KLF12: variants seen among roughly 807,000 people sequenced by gnomAD.
KLF12 encodes the protein KLF transcription factor 12.
KLF12 carries 9 observed loss-of-function variants against 37.8 expected under a neutral mutation model. That is an observed-to-expected ratio of 0.24 (90% CI 0.14 to 0.42). KLF12 has a LOEUF of 0.42. Among genes scored for constraint, KLF12 ranks in the 10% least tolerant of loss-of-function variants. The pLI is 1.00. For missense variants in KLF12, 411 were observed against 516.0 expected, an observed-to-expected ratio of 0.80 and a Z score of 1.97; for synonymous variants, 208 against 202.1, an observed-to-expected ratio of 1.03 and a Z score of -0.25.
Position 73,846,263 on chromosome 13 carries a change from TTG to T in KLF12, c.232_233del (p.Gln78AsnfsTer2). On this transcript the variant is annotated frameshift_variant, in exon 4 of 8. Transcript: ENST00000377669. LOFTEE classifies it high-confidence loss of function. Reference sequence around the variant, plus strand: ...TTATTGACAAGTCCACTGGCTCAGTTTGTGTTTGGAAGTGATCTACAGATAAC... The same window carrying T: ...TTATTGACAAGTCCACTGGCTCAGTTTGTTTGGAAGTGATCTACAGATAAC... 1 of 1,614,070 alleles carries T rather than the reference TTG, an allele frequency of 6.2e-7. No individual in the cohort carries two copies. Among genetic ancestry groups the T allele is most frequent in the Non-Finnish European group, 8.5e-7 (1 of 1,180,014 alleles).
At chr13:73,979,354 A>AACATAC (rs1891628648) in intron 2 of KLF12, among the ~76,000 whole-genome samples, 1 of 139,620 alleles carries the variant, frequency 7.2e-6, no homozygotes, top group Non-Finnish European at 1.5e-5. Flanking sequence ...TCTGCTTTTA[A>AACATAC]ACACACACAC....
chr13:73,776,991 AAAC>A (rs1318114787), intron 5 of KLF12, among the ~76,000 whole-genome samples: 1 of 152,212 alleles, frequency 6.6e-6, no homozygotes, highest in Non-Finnish European at 1.5e-5. Context: ...CAGAAAGGTT[AAAC>A]AACAACAACA....
At chr13:73,737,615 T>G (rs927741808) in intron 6 of KLF12, among the ~76,000 whole-genome samples, 5 of 152,192 alleles carry the variant, frequency 3.3e-5, no homozygotes, top group Non-Finnish European at 1.5e-5. Flanking sequence ...AAGTTCATAC[T>G]AATTAGAATT....
At chr13:74,230,487 A>C in the KLF12 span, among the ~76,000 whole-genome samples, 1 of 152,194 alleles carries the variant, frequency 6.6e-6, no homozygotes, top group African/African-American at 2.4e-5. Context: ...AATTGTGCTC[A>C]TCCACACTCT....
At chr13:73,855,806 C>A (rs547005644) in intron 3 of KLF12, among the ~76,000 whole-genome samples, 1 of 148,826 alleles carries the variant, frequency 6.7e-6, no homozygotes, top group South Asian at 2.2e-4. Context: ...GACATGGCAT[C>A]TCATTGTGAT....
At position 73,739,390 on chromosome 13, in the gene KLF12, T is replaced by C. The variant is rs376246824; in HGVS notation, c.870-23865A>G. Among the ~76,000 whole-genome samples, 23 of 152,278 alleles carry C rather than the reference T, an allele frequency of 1.5e-4. No homozygotes were observed. The East Asian group carries it at 3.5e-3, about 23-fold the overall frequency. On this transcript the variant is annotated intron_variant, in intron 6 of 7. Coordinates refer to ENST00000377669, the MANE Select transcript of KLF12 (RefSeq NM_007249.5). The stretch of plus-strand genomic sequence containing the variant: ...GTTTTCTTAATAAATGATTTCTCAC[T>C]GTTCCCCAATTCTGGGCTGGGAATA...
chr13:74,027,272 GTCT>G (rs1382484023), intron 1 of KLF12, among the ~76,000 whole-genome samples: 11 of 147,988 alleles, frequency 7.4e-5, no homozygotes, highest in African/African-American at 2.2e-4. Flanking sequence ...ATATCTCCAT[GTCT>G]TCTTCTCTAA....
At chr13:74,286,951 A>C in the KLF12 span, among the ~76,000 whole-genome samples, 4 of 152,168 alleles carry the variant, frequency 2.6e-5, no homozygotes, top group African/African-American at 9.7e-5. Flanking sequence ...TGTAGCTATC[A>C]TTTTCATGTC....
At chr13:74,060,742 A>G in intron 1 of KLF12, among the ~76,000 whole-genome samples, 1 of 152,034 alleles carries the variant, frequency 6.6e-6, no homozygotes, top group Non-Finnish European at 1.5e-5. Context: ...CCTCTTTTCC[A>G]ATTTGGATGT....
At chr13:73,959,509 T>A (rs899825857) in intron 2 of KLF12, among the ~76,000 whole-genome samples, 1 of 150,580 alleles carries the variant, frequency 6.6e-6, no homozygotes, top group African/African-American at 2.4e-5. Context: ...ATATAAAATA[T>A]ATATTATTTA....
intron 7 of KLF12, among the ~76,000 whole-genome samples, chr13:73,697,700 G>A (rs1017329585): frequency 3.3e-5 from 5 of 152,090 alleles, no homozygotes; most frequent in South Asian, 2.1e-4. Context: ...GTTGGTCACC[G>A]AGAGCCATTT....
chr13:74,241,042 T>C, the KLF12 span, among the ~76,000 whole-genome samples: 32,242 of 152,014 alleles, frequency 0.21, 5,637 homozygotes, highest in African/African-American at 0.48. Flanking sequence ...GTTTCCAGTG[T>C]TTCTGCTCTG....
At chr13:73,850,884 C>G (rs1245264376) in intron 3 of KLF12, among the ~76,000 whole-genome samples, 1 of 152,206 alleles carries the variant, frequency 6.6e-6, no homozygotes, top group African/African-American at 2.4e-5. Context: ...TTACATAGCT[C>G]ATGGCTTAAC....
intron 3 of KLF12, among the ~76,000 whole-genome samples, chr13:73,915,367 T>C (rs931902434): frequency 7.9e-5 from 12 of 152,090 alleles, no homozygotes; most frequent in Admixed American, 7.2e-4. Flanking sequence ...TCTTTAGAGG[T>C]CACTATTCAG....
chr13:74,280,403 G>A, the KLF12 span, among the ~76,000 whole-genome samples: 18 of 152,186 alleles, frequency 1.2e-4, no homozygotes, highest in South Asian at 3.3e-3. Flanking sequence ...AGACTTCTGA[G>A]TAAAGGTGTG....
chr13:74,181,223 C>A, the KLF12 span, among the ~76,000 whole-genome samples: 2 of 151,916 alleles, frequency 1.3e-5, no homozygotes, highest in Non-Finnish European at 2.9e-5. Context: ...TGGACTCGAA[C>A]TCCTGACCTC....
At chr13:73,862,098 G>A (rs1252486158) in intron 3 of KLF12, among the ~76,000 whole-genome samples, 2 of 148,536 alleles carry the variant, frequency 1.3e-5, no homozygotes, top group African/African-American at 5.0e-5. Flanking sequence ...TTGAGGTTAA[G>A]TTAAAAACCT....
chr13:74,148,185 G>A, the KLF12 span, among the ~76,000 whole-genome samples: 2 of 152,080 alleles, frequency 1.3e-5, no homozygotes, highest in African/African-American at 2.4e-5. Flanking sequence ...AAGGTGCTGA[G>A]ATTACAGGTG....
chr13:74,093,988 T>C (rs1337745341), intron 1 of KLF12, among the ~76,000 whole-genome samples: 3 of 150,694 alleles, frequency 2.0e-5, no homozygotes, highest in African/African-American at 7.3e-5. Flanking sequence ...ATACAATAGC[T>C]AGTTCATATT....
Sources: gnomAD v4.1 joint callset for allele counts (sites outside exome capture counted in the v4.1 genomes callset) on GRCh38, gnomAD v4.1.1 for gene constraint, MANE v1.5 for transcripts, NCBI Gene and HGNC (gene_info 2026-07-23, HGNC 2026-07-21) for gene names.